ATAD1: variants seen among roughly 807,000 people sequenced by gnomAD.
ATAD1 encodes outer mitochondrial transmembrane helix translocase.
ATAD1 carries 18 observed loss-of-function variants against 42.7 expected under a neutral mutation model. The ratio of observed to expected loss-of-function variants is 0.42; its 90% confidence interval spans 0.29 to 0.63. The LOEUF (loss-of-function observed/expected upper bound fraction) is 0.63. Among genes scored for constraint, ATAD1 ranks in the 20% least tolerant of loss-of-function variants. The probability of loss-of-function intolerance (pLI) is 0.19; values close to 1 mark genes in which losing one functional copy is unlikely to be tolerated. For missense variants in ATAD1, 294 were observed against 440.4 expected (o/e 0.67, Z 2.98); for synonymous variants, 132 against 143.1 (o/e 0.92, Z 0.55).
At chr10:87,840,521 C>G (rs145690458) in intron 1 of ATAD1, among the ~76,000 whole-genome samples, 118 of 152,192 alleles carry the variant, frequency 7.8e-4, no homozygotes, top group African/African-American at 2.7e-3. Context: ...TTCATCAGAA[C>G]TTGTTTGAAA....
At chr10:87,826,481 G>A (rs1294691242) in intron 1 of ATAD1, among the ~76,000 whole-genome samples, 1 of 152,170 alleles carries the variant, frequency 6.6e-6, no homozygotes, top group African/African-American at 2.4e-5. Flanking sequence ...AGACAAAGAG[G>A]CTAACTCCCC....
chr10:87,828,963 T>C (rs1211310458), intron 1 of ATAD1, among the ~76,000 whole-genome samples: 1 of 152,190 alleles, frequency 6.6e-6, no homozygotes, highest in Non-Finnish European at 1.5e-5. Context: ...CAGAAATAAA[T>C]GATTCATTTC....
intron 6 of ATAD1, among the ~76,000 whole-genome samples, chr10:87,771,538 C>T (rs569227573): frequency 2.6e-5 from 4 of 152,136 alleles, no homozygotes; most frequent in African/African-American, 9.6e-5. Context: ...ATACTGTGTA[C>T]TTTTTCTCTA....
rs749690867 is a variant in ATAD1, at chr10:87,784,592, A to T, written c.461T>A (p.Phe154Tyr). ...KATAKEAGCRFINLQPSTLTD... is the reference protein window; with the variant it reads ...KATAKEAGCRYINLQPSTLTD... ...CAGTGTCGAAGGCTGAAGGTTAATA[A>T]ATCGACAGCCTGCTTCTTTGGCTGT... Residue 154 changes from phenylalanine to tyrosine, a missense_variant, in exon 5 of 10, where the codon TTT becomes TAT. Phe to Tyr is a conservative substitution (Grantham distance 22). This residue lies in a region of ATAD1 where 121 missense variants were observed against 187.3 expected (regional missense o/e 0.65). Coordinates refer to ENST00000680024, the MANE Select transcript of ATAD1 (RefSeq NM_001321967.2). The T allele has an allele frequency of 1.9e-6, 3 of 1,613,550 alleles. No individual in the cohort carries two copies. In the Admixed American group the frequency reaches 5.0e-5, roughly 27 times the overall value.
rs1856184091 is a variant in ATAD1, at chr10:87,792,640, A to C, written c.261+17T>G. On this transcript the variant is annotated intron_variant, in intron 3 of 9. Coordinates refer to ENST00000680024, the MANE Select transcript of ATAD1 (RefSeq NM_001321967.2). ...CCCACCTCTAAAAAAATCTTAAATA[A>C]GATTAAAGATACATACATGCATATT... is the stretch of plus-strand genomic sequence containing the variant. 2 of 1,572,208 alleles carry C rather than the reference A, an allele frequency of 1.3e-6. No individual in the cohort carries two copies. Among genetic ancestry groups the C allele is most frequent in the Non-Finnish European group, 1.7e-6 (2 of 1,144,986 alleles).
intron 2 of ATAD1, among the ~76,000 whole-genome samples, chr10:87,805,988 T>TAAA (rs1856904616): frequency 1.3e-5 from 2 of 152,146 alleles, no homozygotes; most frequent in African/African-American, 4.8e-5. Flanking sequence ...TTCTCCTTCT[T>TAAA]TGGCTATGGT....
chr10:87,817,289 A>G (rs536083092), intron 1 of ATAD1, among the ~76,000 whole-genome samples: 47 of 152,238 alleles, frequency 3.1e-4, no homozygotes, highest in South Asian at 1.2e-3. Context: ...GCATGCGCAT[A>G]CAACAGCAGG....
rs530063509 is a variant in ATAD1 at position 87,809,040 on chromosome 10, A to G, written c.162+5398T>C. On this transcript the variant is annotated intron_variant, in intron 2 of 9. Transcript: ENST00000680024. Reference sequence around the variant, plus strand: ...GGCCTGAAGTTTTCTTTATAAAAAGATATTTTCACTATTAACTTATTTCAT... The same window carrying G: ...GGCCTGAAGTTTTCTTTATAAAAAGGTATTTTCACTATTAACTTATTTCAT... 5.3e-5 allele frequency among the ~76,000 whole-genome samples: 8 copies of G among 152,362 alleles called. No homozygotes were observed. In the South Asian group the frequency reaches 1.7e-3, roughly 32 times the overall value.
Position 87,784,462 on chromosome 10 carries a change from T to C in ATAD1, c.583+8A>G, listed in dbSNP as rs1425385336. ...TTTAAAAATACTCATATAGAAAACATAGCATACCTATTTCATCTATAAAGA... is the reference window on the plus strand; with the variant it reads ...TTTAAAAATACTCATATAGAAAACACAGCATACCTATTTCATCTATAAAGA... On this transcript the variant is annotated splice_region_variant and intron_variant, in intron 5 of 9. Coordinates refer to ENST00000680024, the MANE Select transcript of ATAD1 (RefSeq NM_001321967.2). The C allele has an allele frequency of 1.2e-5, 20 of 1,611,584 alleles. No individual in the cohort carries two copies. The highest frequency in any genetic ancestry group is 1.5e-5 in the Non-Finnish European group (18 of 1,178,708).
chr10:87,810,650 C>T (rs1857137419), intron 2 of ATAD1, among the ~76,000 whole-genome samples: 3 of 152,116 alleles, frequency 2.0e-5, no homozygotes, highest in Admixed American at 1.3e-4. Context: ...AGCCAGTTTT[C>T]TTCTTATATT....
chr10:87,833,477 A>G (rs566424866), intron 1 of ATAD1, among the ~76,000 whole-genome samples: 6 of 152,156 alleles, frequency 3.9e-5, no homozygotes, highest in Admixed American at 3.9e-4. Context: ...TTGCCTTATT[A>G]CACTGAATGA....
Position 87,797,433 on chromosome 10 carries a change from C to T in ATAD1, c.163-4678G>A, listed in dbSNP as rs189194286. ...TTTTCTTCCACCCTATACCTCCTTC[C>T]CCCTTTGCCATCTGTAGTACCAAAA... On this transcript the variant is annotated intron_variant, in intron 2 of 9. Transcript: ENST00000680024. Among the ~76,000 whole-genome samples the T allele has an allele frequency of 1.1e-3, 162 of 152,138 alleles. 1 individual carries two copies. Among genetic ancestry groups the T allele is most frequent in the African/African-American group, 3.8e-3 (157 of 41,494 alleles).
chr10:87,820,152 G>A (rs1238349256), upstream of ATAD1, among the ~76,000 whole-genome samples: 3 of 152,134 alleles, frequency 2.0e-5, no homozygotes, highest in African/African-American at 7.2e-5. Context: ...AGACTTTCAA[G>A]AGACTCTCCA....
intron 8 of ATAD1, among the ~76,000 whole-genome samples, chr10:87,765,964 G>A (rs1193164567): frequency 2.0e-5 from 3 of 151,996 alleles, no homozygotes; most frequent in Admixed American, 2.0e-4. Context: ...CTTGGGCCCA[G>A]GAGTTTAAGG....
At chr10:87,833,954 G>T (rs1490557608) in intron 1 of ATAD1, among the ~76,000 whole-genome samples, 4 of 152,070 alleles carry the variant, frequency 2.6e-5, no homozygotes, top group Non-Finnish European at 4.4e-5. Context: ...GACCTCAGGT[G>T]ATCTGCCTGC....
At chr10:87,756,262 C>G (rs966833329) in intron 9 of ATAD1, among the ~76,000 whole-genome samples, 1 of 152,166 alleles carries the variant, frequency 6.6e-6, no homozygotes, top group South Asian at 2.1e-4. Context: ...CAGTATAATA[C>G]TGGTTCCAGG....
At chr10:87,815,083 T>C (rs1857353609) in intron 1 of ATAD1, among the ~76,000 whole-genome samples, 1 of 152,112 alleles carries the variant, frequency 6.6e-6, no homozygotes, top group Non-Finnish European at 1.5e-5. Context: ...ACTCACTTTT[T>C]CCTCATACAT....
At chr10:87,800,111 CTT>C (rs896793779) in intron 2 of ATAD1, among the ~76,000 whole-genome samples, 168 of 150,986 alleles carry the variant, frequency 1.1e-3, no homozygotes, top group African/African-American at 4.0e-3. Context: ...AACAAAGAAA[CTT>C]TTATATAATT....
At chr10:87,814,829 C>T in intron 1 of ATAD1, 1 of 295,060 alleles carries the variant, frequency 3.4e-6, no homozygotes, top group East Asian at 5.9e-5. Context: ...TAGAAGTAGA[C>T]TAGAAATTAA....
Sources: gnomAD v4.1 joint callset for allele counts (sites outside exome capture counted in the v4.1 genomes callset) on GRCh38, gnomAD v4.1.1 for gene constraint, gnomAD v4.1.1 regional missense constraint, MANE v1.5 for transcripts, NCBI Gene and HGNC (gene_info 2026-07-23, HGNC 2026-07-21) for gene names.